KCNIP4: variants seen among roughly 807,000 people sequenced by gnomAD.
The protein encoded by KCNIP4 is Kv channel-interacting protein 4.
In KCNIP4, 12 loss-of-function variants were observed where a neutral mutation model predicts 34.0. That is an observed-to-expected ratio of 0.35 (90% CI 0.23 to 0.57). KCNIP4 has a LOEUF of 0.57. Among genes scored for constraint, KCNIP4 ranks in the 20% least tolerant of loss-of-function variants. KCNIP4 has a pLI of 0.83. For synonymous variants in KCNIP4, 124 were observed against 102.2 expected (o/e 1.21, Z -1.29); for missense variants, 238 against 311.7 (o/e 0.76, Z 1.78).
chr4:21,833,178 A>G (rs956913034), intron 1 of KCNIP4, among the ~76,000 whole-genome samples: 1 of 151,478 alleles, frequency 6.6e-6, no homozygotes, highest in Non-Finnish European at 1.5e-5. Flanking sequence ...TGACTTCCAC[A>G]ATGGTTGAAC....
intron 1 of KCNIP4, among the ~76,000 whole-genome samples, chr4:21,736,037 G>C (rs545849069): frequency 2.6e-5 from 4 of 152,294 alleles, no homozygotes; most frequent in Middle Eastern, 3.4e-3. Context: ...AAAGCTGTTA[G>C]AGACGGCGTG....
intron 1 of KCNIP4, among the ~76,000 whole-genome samples, chr4:21,441,636 CAG>C (rs1177653482): frequency 3.9e-5 from 6 of 152,154 alleles, no homozygotes; most frequent in Middle Eastern, 6.3e-3. Flanking sequence ...GAACTACTAA[CAG>C]ATATTTTTCC....
At chr4:20,896,714 C>T (rs1009117494) in intron 1 of KCNIP4, among the ~76,000 whole-genome samples, 2 of 152,174 alleles carry the variant, frequency 1.3e-5, no homozygotes, top group Non-Finnish European at 2.9e-5. Context: ...ATATATTTAT[C>T]TTGTTTTATG....
intron 1 of KCNIP4, among the ~76,000 whole-genome samples, chr4:21,290,042 A>C (rs2109200527): frequency 6.6e-6 from 1 of 152,296 alleles, no homozygotes; most frequent in South Asian, 2.1e-4. Context: ...TTAGTTAAGT[A>C]AGACTCCTAG....
intron 1 of KCNIP4, among the ~76,000 whole-genome samples, chr4:21,107,566 A>T (rs28839481): frequency 1.4e-5 from 2 of 144,628 alleles, no homozygotes; most frequent in African/African-American, 5.4e-5. Flanking sequence ...TTGCCAGTCT[A>T]TGTCTTTTAA....
chr4:21,156,383 T>C (rs1265585560), intron 1 of KCNIP4, among the ~76,000 whole-genome samples: 1 of 152,164 alleles, frequency 6.6e-6, no homozygotes, highest in Admixed American at 6.5e-5. Context: ...CAAGAGATGC[T>C]CTAAACTGTC....
intron 1 of KCNIP4, among the ~76,000 whole-genome samples, chr4:21,528,483 G>A (rs1214429288): frequency 1.3e-5 from 2 of 151,486 alleles, no homozygotes; most frequent in Non-Finnish European, 2.9e-5. Flanking sequence ...CCTGGCCAAT[G>A]TGGTGAAACC....
At chr4:21,102,374 G>T (rs1019727148) in intron 1 of KCNIP4, among the ~76,000 whole-genome samples, 1 of 152,062 alleles carries the variant, frequency 6.6e-6, no homozygotes, top group Non-Finnish European at 1.5e-5. Context: ...TAATTCAAGG[G>T]CAATGGGGCA....
intron 1 of KCNIP4, among the ~76,000 whole-genome samples, chr4:21,471,508 T>C (rs9291427): frequency 0.022 from 3,352 of 152,304 alleles, 123 homozygotes; most frequent in East Asian, 0.12. Flanking sequence ...ATTTTATATA[T>C]TTTATCATGA....
chr4:21,884,958 CA>C (rs1726682559), intron 1 of KCNIP4, among the ~76,000 whole-genome samples: 1 of 150,976 alleles, frequency 6.6e-6, no homozygotes, highest in South Asian at 2.1e-4. Context: ...GCCTCCCCCC[CA>C]CTACTGTTAT....
At chr4:21,389,409 T>C (rs1353355141) in intron 1 of KCNIP4, among the ~76,000 whole-genome samples, 2 of 151,080 alleles carry the variant, frequency 1.3e-5, no homozygotes, top group African/African-American at 4.9e-5. Context: ...CCCATTAACT[T>C]GTCATTTACA....
At chr4:21,638,340 T>G (rs1305733669) in intron 1 of KCNIP4, among the ~76,000 whole-genome samples, 1 of 152,194 alleles carries the variant, frequency 6.6e-6, no homozygotes, top group Non-Finnish European at 1.5e-5. Flanking sequence ...CAGATGGCAC[T>G]CAATGCACAG....
At chr4:20,795,947 T>C (rs1332026284) in intron 3 of KCNIP4, among the ~76,000 whole-genome samples, 2 of 152,154 alleles carry the variant, frequency 1.3e-5, no homozygotes, top group Non-Finnish European at 2.9e-5. Context: ...CCATAAATAA[T>C]GGCATTGTAA....
intron 1 of KCNIP4, among the ~76,000 whole-genome samples, chr4:21,136,465 G>A (rs1751506259): frequency 6.6e-6 from 1 of 152,146 alleles, no homozygotes; most frequent in African/African-American, 2.4e-5. Flanking sequence ...CAGCAAATAG[G>A]CATTGGGTTT....
chr4:21,596,070 C>T (rs1485204621), intron 1 of KCNIP4, among the ~76,000 whole-genome samples: 4 of 152,068 alleles, frequency 2.6e-5, no homozygotes, highest in Non-Finnish European at 5.9e-5. Flanking sequence ...CAACCAACGC[C>T]TTGTATCATG....
At chr4:20,860,362 T>G (rs1047021928) in intron 2 of KCNIP4, among the ~76,000 whole-genome samples, 1 of 152,168 alleles carries the variant, frequency 6.6e-6, no homozygotes, top group East Asian at 1.9e-4. Flanking sequence ...GGTCTCAAAC[T>G]CTTAACCTCA....
chr4:21,089,176 G>A (rs1746748509), intron 1 of KCNIP4, among the ~76,000 whole-genome samples: 2 of 152,166 alleles, frequency 1.3e-5, no homozygotes, highest in African/African-American at 4.8e-5. Flanking sequence ...TGTTGGAGTA[G>A]GGGCCTGGTG....
intron 1 of KCNIP4, among the ~76,000 whole-genome samples, chr4:21,556,919 T>TCAAAAAAAAAACAAAAA (rs1161300110): frequency 4.5e-5 from 1 of 21,984 alleles, no homozygotes; most frequent in African/African-American, 2.5e-4. Flanking sequence ...AGACTCCATC[T>TCAAAAAAAAAACAAAAA]CAGAAAAAAA....
At chr4:21,357,585 T>C (rs1718766015) in intron 1 of KCNIP4, among the ~76,000 whole-genome samples, 1 of 152,164 alleles carries the variant, frequency 6.6e-6, no homozygotes, top group Non-Finnish European at 1.5e-5. Flanking sequence ...TCATCACTGG[T>C]CATCAGACAA....
Sources: gnomAD v4.1 joint callset for allele counts (sites outside exome capture counted in the v4.1 genomes callset) on GRCh38, gnomAD v4.1.1 for gene constraint, MANE v1.5 for transcripts, NCBI Gene and HGNC (gene_info 2026-07-23, HGNC 2026-07-21) for gene names.